Variants in CDK20 observed in about 807,000 individuals in gnomAD.
CDK20 encodes cyclin dependent kinase 20.
A neutral mutation model predicts 38.6 loss-of-function variants in CDK20; 40 were observed. That is an observed-to-expected ratio of 1.04 (90% CI 0.81 to 1.35). The LOEUF (loss-of-function observed/expected upper bound fraction) is 1.35. CDK20 is among the 40% of genes most tolerant of loss of function. The probability of loss-of-function intolerance (pLI) is 0.00; values close to 1 mark genes in which losing one functional copy is unlikely to be tolerated. For synonymous variants in CDK20, 209 were observed against 185.7 expected, an observed-to-expected ratio of 1.13 and a Z score of -1.02; for missense variants, 512 against 452.6, an observed-to-expected ratio of 1.13 and a Z score of -1.19.
At chr9:87,968,504 C>T (rs1038786775) in intron 7 of CDK20, 1 of 152,696 alleles carries the variant, frequency 6.5e-6, no homozygotes, top group Non-Finnish European at 1.5e-5. Flanking sequence ...TCAGCCCATG[C>T]TCCTGTGGTC....
At chr9:87,969,447 G>A (rs1301030802) in intron 6 of CDK20, 98 bp from the exon 7 acceptor site, 6 of 1,319,196 alleles carry the variant, frequency 4.5e-6, no homozygotes, top group Non-Finnish European at 6.3e-6. Context: ...ACACTCACAT[G>A]GGGGGTGCTC....
At chr9:87,970,968 G>A in intron 3 of CDK20, 71 bp from the exon 4 acceptor site, 2 of 1,596,984 alleles carry the variant, frequency 1.3e-6, no homozygotes, top group Non-Finnish European at 1.7e-6. Context: ...GGGCTTGGCA[G>A]TCTAACCACT....
At chr9:87,973,390 A>T (rs1223555714) in intron 2 of CDK20, among the ~76,000 whole-genome samples, 1 of 150,882 alleles carries the variant, frequency 6.6e-6, no homozygotes, top group Non-Finnish European at 1.5e-5. Context: ...CCAGTGCCCA[A>T]CACAGGGTAG....
At position 87,971,249 on chromosome 9, in the gene CDK20, C is replaced by T. The variant is rs918242543; in HGVS notation, c.276G>A (p.Val92=). 1 of 1,614,132 alleles carries T rather than the reference C, an allele frequency of 6.2e-7. No homozygotes were observed. The highest frequency in any genetic ancestry group is 1.1e-5 in the South Asian group (1 of 91,082). Residue 92 remains valine, a synonymous_variant, in exon 3 of 8, where the codon GTG becomes GTA. Transcript: ENST00000325303. Reference sequence around the variant, plus strand: ...GGGCTAGTGGCCTCTGGGCATGGCGCACCACCTCGGCCAGATCCGACAGCA... The same window carrying T: ...GGGCTAGTGGCCTCTGGGCATGGCGTACCACCTCGGCCAGATCCGACAGCA... ...EFMLSDLAEV[V]RHAQRPLAQA...
Position 87,967,417 on chromosome 9 carries a change from C to T in CDK20, c.*45G>A. 1 of 1,542,180 alleles carries T rather than the reference C, an allele frequency of 6.5e-7. No homozygotes were observed. Among genetic ancestry groups the T allele is most frequent in the South Asian group, 1.2e-5 (1 of 83,818 alleles). On this transcript the variant is annotated 3_prime_UTR_variant, in exon 8 of 8. Coordinates refer to ENST00000325303, the MANE Select transcript of CDK20 (RefSeq NM_001039803.3). ...GGCAGGTGGCAGAGGAACAGGTGGA[C>T]TGAGTGGTCCTGAGGAGCAGGCAGA...
intron 2 of CDK20, 78 bp downstream of exon 2, chr9:87,973,844 G>T: frequency 6.9e-7 from 1 of 1,449,446 alleles, no homozygotes. Context: ...TGAAGGCGTA[G>T]CTGGGAAAAT....
At position 87,969,872 on chromosome 9, in the gene CDK20, A is replaced by G; in HGVS notation, c.611T>C (p.Phe204Ser). ...MGELLNGSPLFPGKNDIEQLC... is the reference protein window; with the variant it reads ...MGELLNGSPLSPGKNDIEQLC... ...CTGTTCAATATCGTTCTTGCCCGGG[A>G]AAAGGGGGGACCCATTCAACAGCTC... Residue 204 changes from phenylalanine to serine, a missense_variant, in exon 6 of 8, where the codon TTC becomes TCC. By Grantham distance (155) the Phe-to-Ser change is radical. Transcript: ENST00000325303. 2 of 1,605,324 alleles carry G rather than the reference A, an allele frequency of 1.2e-6. No individual in the cohort carries two copies. Among genetic ancestry groups the G allele is most frequent in the South Asian group, 1.1e-5 (1 of 89,600 alleles).
At chr9:87,968,824 T>C in intron 7 of CDK20, 1 of 244,752 alleles carries the variant, frequency 4.1e-6, no homozygotes, top group Non-Finnish European at 8.1e-6. Context: ...ATGTGCCAGA[T>C]GTGCAGAAAA....
In CDK20 at chr9:87,967,876, G is replaced by A. The variant is rs185072549; in HGVS notation, c.844-217C>T. On this transcript the variant is annotated intron_variant, in intron 7 of 7. Coordinates refer to ENST00000325303, the MANE Select transcript of CDK20 (RefSeq NM_001039803.3). ...TTTTTCTGACATAAGTGAGGGTGGG[G>A]GGTAATAAACAAGATGAAGTAAAAT... is the stretch of plus-strand genomic sequence containing the variant. The A allele has an allele frequency of 1.4e-5, 7 of 516,998 alleles. No homozygotes were observed. The East Asian group carries it at 1.8e-4, about 13-fold the overall frequency. The allele number at this position is 516,998 out of a possible 1,614,324, so 32.0% of individuals were successfully genotyped here.
intron 1 of CDK20, 128 bp downstream of exon 1, chr9:87,974,244 G>T: frequency 3.3e-6 from 4 of 1,227,756 alleles, no homozygotes; most frequent in Non-Finnish European, 4.5e-6. Flanking sequence ...CCCAAAGTAG[G>T]TTTAGAATAT....
intron 5 of CDK20, chr9:87,970,230 CT>C (rs1829752779): frequency 2.3e-6 from 1 of 442,200 alleles, no homozygotes; most frequent in African/African-American, 2.0e-5. Flanking sequence ...AAGCTCAGAG[CT>C]TTCATGTCCA....
intron 4 of CDK20, 35 bp from the exon 5 acceptor site, chr9:87,970,665 G>T (rs12352459): frequency 1.2e-6 from 2 of 1,613,844 alleles, no homozygotes; most frequent in Non-Finnish European, 1.7e-6. Flanking sequence ...ACTGGGCTGA[G>T]AAAAGGATGC....
At chr9:87,973,275 A>G (rs1564160387) in intron 2 of CDK20, among the ~76,000 whole-genome samples, 1 of 152,112 alleles carries the variant, frequency 6.6e-6, no homozygotes, top group African/African-American at 2.4e-5. Flanking sequence ...CCCTCCCGGT[A>G]CCCTATCACA....
Position 87,969,236 on chromosome 9 carries a change from T to C in CDK20, c.801A>G (p.Gln267=). The C allele has an allele frequency of 1.2e-6, 2 of 1,614,024 alleles. No individual in the cohort carries two copies. Among genetic ancestry groups the C allele is most frequent in the South Asian group, 1.1e-5 (1 of 91,076 alleles). Residue 267 remains glutamine (Q), a synonymous_variant, in exon 7 of 8, where the codon CAA becomes CAG. Coordinates refer to ENST00000325303, the MANE Select transcript of CDK20 (RefSeq NM_001039803.3). ...GCTGGTGAGGAGGGTAGAGAAGGAATTGACCCAGCAGATCCAATGCCTGGG... is the reference window on the plus strand; with the variant it reads ...GCTGGTGAGGAGGGTAGAGAAGGAACTGACCCAGCAGATCCAATGCCTGGG... ...VSPQALDLLG[Q]FLLYPPHQRI...
At position 87,971,210 on chromosome 9, in the gene CDK20, C is replaced by G; in HGVS notation, c.315G>C (p.Lys105Asn). Residue 105 changes from lysine to asparagine, a missense_variant, in exon 3 of 8, where the codon AAG (lysine) becomes AAC (asparagine). Physicochemically the swap from Lys to Asn is moderately conservative, Grantham distance 94. Transcript: ENST00000325303. ...CCTTGAGCAGCATCTGCAGGTAGCT[C>G]TTGACCTGTGCCTGGGCTAGTGGCC... is the stretch of plus-strand genomic sequence containing the variant. ...AQRPLAQAQV[K>N]SYLQMLLKGV... is the part of the protein sequence containing the mutation. The G allele has an allele frequency of 6.2e-7, 1 of 1,614,208 alleles. No homozygotes were observed. The highest frequency in any genetic ancestry group is 2.2e-5 in the East Asian group (1 of 44,874).
At position 87,971,300 on chromosome 9, in the gene CDK20, TCCA is replaced by T; in HGVS notation, c.222_224del (p.Gly76del). 1 of 1,613,754 alleles carries T rather than the reference TCCA, an allele frequency of 6.2e-7. No individual in the cohort carries two copies. Among genetic ancestry groups the T allele is most frequent in the Non-Finnish European group, 8.5e-7 (1 of 1,179,868 alleles). ...TGAACTCAAAGGCCAGCACAAAGCCTCCACCGTGTGGGAACACAGCCTTCAGTT... is the reference window on the plus strand; with the variant it reads ...TGAACTCAAAGGCCAGCACAAAGCCTCCGTGTGGGAACACAGCCTTCAGTT... On this transcript the variant is annotated inframe_deletion, in exon 3 of 8. Coordinates refer to ENST00000325303, the MANE Select transcript of CDK20 (RefSeq NM_001039803.3).
intron 1 of CDK20, 165 bp downstream of exon 1, chr9:87,974,207 C>A: frequency 9.2e-6 from 12 of 1,301,942 alleles, no homozygotes; most frequent in Non-Finnish European, 1.3e-5. Context: ...GGGGACCAAG[C>A]CAGCTGTGCG....
In CDK20 at chr9:87,966,563, A is replaced by T. The variant is rs182573040; in HGVS notation, c.*899T>A. On this transcript the variant is annotated 3_prime_UTR_variant, in exon 8 of 8. Coordinates refer to ENST00000325303, the MANE Select transcript of CDK20 (RefSeq NM_001039803.3). The stretch of plus-strand genomic sequence containing the variant: ...CATCTGGTTCCACTTCCTTCCATGT[A>T]TCTTTTATAATCACCTTATCAAATT... 6.3e-6 allele frequency: 1 copy of T among 158,958 alleles called. No individual in the cohort carries two copies. The highest frequency in any genetic ancestry group is 1.4e-5 in the Non-Finnish European group (1 of 71,588). 9.8% of individuals were successfully genotyped at this position (158,958 alleles called of 1,614,324 possible). A position where few individuals can be genotyped will look rare whatever the true frequency, so the allele number is the denominator to read the frequency against.
rs774727064 is a variant in CDK20, at chr9:87,974,459, G to C, written c.-13C>G. 6.2e-7 allele frequency: 1 copy of C among 1,608,494 alleles called. No individual in the cohort carries two copies. The highest frequency in any genetic ancestry group is 8.5e-7 in the Non-Finnish European group (1 of 1,178,242). On this transcript the variant is annotated 5_prime_UTR_variant, in exon 1 of 8. Transcript: ENST00000325303. ...AGTACTGGTCCATCCCGCTGCAGTC[G>C]TGGGCCTGTGCCCCTGTGCCCCTGA...
Sources: allele counts gnomAD v4.1 joint callset (sites outside exome capture counted in the v4.1 genomes callset), GRCh38; gene constraint gnomAD v4.1.1; transcripts MANE v1.5; gene names NCBI Gene and HGNC (gene_info 2026-07-23, HGNC 2026-07-21).